CTNNA1: variants seen among roughly 807,000 people sequenced by gnomAD.
CTNNA1 encodes catenin alpha 1, also known as catenin alpha-1.
CTNNA1 carries 37 observed loss-of-function variants against 98.4 expected under a neutral mutation model. That is an observed-to-expected ratio of 0.38 (90% CI 0.29 to 0.49). The LOEUF is 0.49. CTNNA1 is among the 20% of genes least tolerant of loss of function. The pLI is 0.95. For missense variants in CTNNA1, 761 were observed against 1,147.2 expected (o/e 0.66, Z 4.86); for synonymous variants, 404 against 413.2 (o/e 0.98, Z 0.27).
intron 7 of CTNNA1, 66 bp downstream of exon 7, chr5:138,827,784 G>A: frequency 6.3e-7 from 1 of 1,578,466 alleles, no homozygotes; most frequent in South Asian, 1.1e-5. Flanking sequence ...TAACATGTTG[G>A]ATCTGAGATG....
chr5:138,844,151 A>G (rs1252087213), intron 7 of CTNNA1, among the ~76,000 whole-genome samples: 2 of 152,118 alleles, frequency 1.3e-5, no homozygotes, highest in Admixed American at 1.3e-4. Context: ...AAAAATTTAA[A>G]AATTTTTAAA....
At position 138,924,531 on chromosome 5, in the gene CTNNA1, T is replaced by C; in HGVS notation, c.1568T>C (p.Val523Ala). 6.2e-7 allele frequency: 1 copy of C among 1,614,196 alleles called. No homozygotes were observed. The highest frequency in any genetic ancestry group is 8.5e-7 in the Non-Finnish European group (1 of 1,180,018). ...CCAGAGAATCACATTTTGGAAGATGTGAACAAATGTGTCATTGCTCTCCAA... is the reference window on the plus strand; with the variant it reads ...CCAGAGAATCACATTTTGGAAGATGCGAACAAATGTGTCATTGCTCTCCAA... Reference protein sequence around the residue: ...AVSENHILEDVNKCVIALQEK... With the variant: ...AVSENHILEDANKCVIALQEK... The change falls in exon 12 of 18, where the codon GTG (valine) becomes GCG (alanine). Residue 523 changes from valine (V) to alanine (A), a missense_variant. By Grantham distance (64) the Val-to-Ala change is moderately conservative. This residue lies in a region of CTNNA1 where 287 missense variants were observed against 436.0 expected (regional missense o/e 0.66). Transcript: ENST00000302763.
intron 9 of CTNNA1, among the ~76,000 whole-genome samples, chr5:138,888,051 A>C (rs1754474868): frequency 6.6e-6 from 1 of 152,242 alleles, no homozygotes; most frequent in African/African-American, 2.4e-5. Context: ...TAGGACACTG[A>C]TAATATCTAT....
intron 1 of CTNNA1, among the ~76,000 whole-genome samples, chr5:138,777,077 C>T (rs1320490958): frequency 1.0e-3 from 156 of 150,986 alleles, no homozygotes; most frequent in African/African-American, 3.6e-3. Context: ...GGCTGCCGGG[C>T]GGAGGGGCTC....
At position 138,848,662 on chromosome 5, in the gene CTNNA1, G is replaced by T. The variant is rs192061130; in HGVS notation, c.1062+20944G>T. 8.3e-3 allele frequency among the ~76,000 whole-genome samples: 1,266 copies of T among 152,262 alleles called. 6 individuals carry two copies. The highest frequency in any genetic ancestry group is 0.013 in the Non-Finnish European group (900 of 68,012). ...GTCTTAACTGTCTTGCCTGAAGTTG[G>T]TAGCTTTATTCCTAGATTCATAATA... On this transcript the variant is annotated intron_variant, in intron 7 of 17. Coordinates refer to ENST00000302763, the MANE Select transcript of CTNNA1 (RefSeq NM_001903.5).
At chr5:138,835,436 A>C (rs1307625568) in intron 7 of CTNNA1, among the ~76,000 whole-genome samples, 1 of 152,178 alleles carries the variant, frequency 6.6e-6, no homozygotes. Context: ...AGAGATGCTT[A>C]CCTAAATTAG....
chr5:138,876,797 A>G (rs894563692), intron 7 of CTNNA1, among the ~76,000 whole-genome samples: 2 of 152,210 alleles, frequency 1.3e-5, no homozygotes, highest in East Asian at 3.8e-4. Flanking sequence ...TGAGACTCCA[A>G]GGTCCCTTCC....
chr5:138,930,875 C>G lies in CTNNA1; in HGVS notation c.2238C>G (p.Ala746=), dbSNP rs199723374. 3.1e-5 allele frequency: 50 copies of G among 1,613,836 alleles called. No homozygotes were observed. The highest frequency in any genetic ancestry group is 4.0e-5 in the Non-Finnish European group (47 of 1,179,814). ...ATACATCGGATGTCATCAGTGCTGC[C>G]AAGAAAATTGCTGAGGCAGGATCCA... is the stretch of plus-strand genomic sequence containing the variant. The part of the protein sequence containing the change: ...LKNTSDVISA[A]KKIAEAGSRM... The change falls in exon 16 of 18, where the codon GCC becomes GCG. Residue 746 remains alanine, a synonymous_variant. Coordinates refer to ENST00000302763, the MANE Select transcript of CTNNA1 (RefSeq NM_001903.5).
chr5:138,857,285 A>G (rs1397265390), intron 7 of CTNNA1, among the ~76,000 whole-genome samples: 3 of 152,128 alleles, frequency 2.0e-5, no homozygotes, highest in Non-Finnish European at 4.4e-5. Context: ...ACCATGTTAA[A>G]TCTAAGCTCC....
intron 7 of CTNNA1, among the ~76,000 whole-genome samples, chr5:138,883,234 C>T (rs1055769068): frequency 8.5e-5 from 13 of 152,156 alleles, no homozygotes; most frequent in African/African-American, 2.9e-4. Flanking sequence ...GTGAGTGTGT[C>T]TATGTGTACT....
intron 10 of CTNNA1, among the ~76,000 whole-genome samples, chr5:138,911,253 ATC>A (rs1760557672): frequency 6.6e-6 from 1 of 152,078 alleles, no homozygotes; most frequent in South Asian, 2.1e-4. Context: ...AAAAACCAAG[ATC>A]TCTCTGACTT....
rs1302005886 is a variant in CTNNA1, at chr5:138,924,575, C to G, written c.1612C>G (p.Leu538Val). Residue 538 changes from leucine (L) to valine (V), a missense_variant, in exon 12 of 18, where the codon CTG (leucine) becomes GTG (valine). This residue lies in a region of CTNNA1 where 287 missense variants were observed against 436.0 expected (regional missense o/e 0.66). Transcript: ENST00000302763. ...IALQEKDVDGLDRTAGAIRGR... is the reference protein window; with the variant it reads ...IALQEKDVDGVDRTAGAIRGR... Reference sequence around the variant, plus strand: ...TCTCCAAGAGAAGGATGTGGATGGCCTGGACCGCACAGCTGGTGCAATTCG... The same window carrying G: ...TCTCCAAGAGAAGGATGTGGATGGCGTGGACCGCACAGCTGGTGCAATTCG... The G allele has an allele frequency of 1.2e-6, 2 of 1,614,058 alleles. No individual in the cohort carries two copies. Among genetic ancestry groups the G allele is most frequent in the East Asian group, 4.5e-5 (2 of 44,892 alleles).
Position 138,824,754 on chromosome 5 carries a change from G to T in CTNNA1, c.813G>T (p.Gln271His). The T allele has an allele frequency of 1.2e-6, 2 of 1,614,210 alleles. No individual in the cohort carries two copies. Among genetic ancestry groups the T allele is most frequent in the South Asian group, 2.2e-5 (2 of 91,072 alleles). ...ATASDDASQH[Q>H]GGGGGELAYA... Reference sequence around the variant, plus strand: ...CCTCAGACGATGCCTCACAGCACCAGGGTGGAGGAGGAGGAGAACTGGCAT... The same window carrying T: ...CCTCAGACGATGCCTCACAGCACCATGGTGGAGGAGGAGGAGAACTGGCAT... Residue 271 changes from glutamine to histidine, a missense_variant, in exon 6 of 18, where the codon CAG (glutamine) becomes CAT (histidine). Transcript: ENST00000302763.
intron 3 of CTNNA1, among the ~76,000 whole-genome samples, chr5:138,800,150 T>TA (rs987476622): frequency 2.0e-5 from 3 of 151,972 alleles, no homozygotes; most frequent in Non-Finnish European, 2.9e-5. Context: ...CAGACCACTG[T>TA]AAAAAAAGAA....
intron 1 of CTNNA1, among the ~76,000 whole-genome samples, chr5:138,770,670 T>C (rs1361112765): frequency 6.6e-6 from 1 of 152,134 alleles, no homozygotes; most frequent in African/African-American, 2.4e-5. Flanking sequence ...CAGAAAGACC[T>C]CGCCGGGCGC....
At chr5:138,857,575 C>T (rs1763843763) in intron 7 of CTNNA1, among the ~76,000 whole-genome samples, 1 of 152,190 alleles carries the variant, frequency 6.6e-6, no homozygotes, top group Non-Finnish European at 1.5e-5. Flanking sequence ...CCTCGGCCTC[C>T]CAAAGTACTG....
In CTNNA1 at chr5:138,810,221, A is replaced by G. The variant is rs375976404; in HGVS notation, c.468+17A>G. On this transcript the variant is annotated intron_variant, in intron 4 of 17. Coordinates refer to ENST00000302763, the MANE Select transcript of CTNNA1 (RefSeq NM_001903.5). Reference sequence around the variant, plus strand: ...CTGAAAGTTGTAAGTATACAGGCCTATGTCTGTAATTTGTTCTATCACAGG... The same window carrying G: ...CTGAAAGTTGTAAGTATACAGGCCTGTGTCTGTAATTTGTTCTATCACAGG... 9.4e-6 allele frequency: 15 copies of G among 1,602,814 alleles called. No homozygotes were observed. The highest frequency in any genetic ancestry group is 1.7e-5 in the Admixed American group (1 of 59,878).
chr5:138,929,522 T>G (rs1169996727), intron 14 of CTNNA1, among the ~76,000 whole-genome samples, 166 bp downstream of exon 14: 1 of 152,176 alleles, frequency 6.6e-6, no homozygotes, highest in Non-Finnish European at 1.5e-5. Context: ...GCTAGTCAAA[T>G]GTAGCCTCCT....
rs942656146 is a variant in CTNNA1, at chr5:138,776,379, G to A, written c.-2-5544G>A. 3.3e-5 allele frequency among the ~76,000 whole-genome samples: 5 copies of A among 152,260 alleles called. No individual in the cohort carries two copies. In the East Asian group the frequency reaches 9.7e-4, roughly 30 times the overall value. On this transcript the variant is annotated intron_variant, in intron 1 of 17. Transcript: ENST00000302763. The stretch of plus-strand genomic sequence containing the variant: ...TTGGGGGTAAGGTCACCGATCAACA[G>A]GATCACAAGGCAGAATAATTTTTCT...
Sources: gnomAD v4.1 joint callset for allele counts (sites outside exome capture counted in the v4.1 genomes callset) on GRCh38, gnomAD v4.1.1 for gene constraint, gnomAD v4.1.1 regional missense constraint, MANE v1.5 for transcripts, NCBI Gene and HGNC (gene_info 2026-07-23, HGNC 2026-07-21) for gene names.